Variants in DNAH12 observed in about 807,000 individuals in gnomAD.
The protein encoded by DNAH12 is axonemal beta dynein heavy chain 12.
A neutral mutation model predicts 371.5 loss-of-function variants in DNAH12; 285 were observed. The ratio of observed to expected loss-of-function variants is 0.77; its 90% CI spans 0.70 to 0.85. The LOEUF (loss-of-function observed/expected upper bound fraction) is 0.85. DNAH12 is among the 40% of genes least tolerant of loss of function. The pLI is 0.00. For synonymous variants in DNAH12, 1,200 were observed against 1,213.0 expected (o/e 0.99, Z 0.22); for missense variants, 3,611 against 3,689.4 (o/e 0.98, Z 0.55).
Position 57,302,555 on chromosome 3 carries a change from A to ATGGTT in DNAH12, c.11190-617_11190-616insAACCA, listed in dbSNP as rs1559535346. On this transcript the variant is annotated intron_variant, in intron 69 of 73. Transcript: ENST00000495027. ...TATATATATATATATATATATATAT[A>ATGGTT]TATATATATGTATTTTTTTTTTTTT... Among the ~76,000 whole-genome samples the ATGGTT allele has an allele frequency of 8.6e-5, 7 of 80,984 alleles. 1 individual carries two copies. The highest frequency in any genetic ancestry group is 3.1e-4 in the African/African-American group (7 of 22,550). 53.1% of individuals were successfully genotyped at this position (80,984 alleles called of 152,430 possible).
intron 35 of DNAH12, 91 bp downstream of exon 35, chr3:57,424,931 T>C (rs2064716291): frequency 1.7e-6 from 1 of 590,868 alleles, no homozygotes; most frequent in Non-Finnish European, 3.0e-6. Context: ...AAAATAGCTT[T>C]GGATCTTGTC....
Position 57,358,150 on chromosome 3 carries a change from A to C in DNAH12, c.9361-802T>G, listed in dbSNP as rs938004288. ...AATCCTGTTTGTTGCTAATTTAATCAAGAGGCAGGGCTAGAACCAGATCCA... is the reference window on the plus strand; with the variant it reads ...AATCCTGTTTGTTGCTAATTTAATCCAGAGGCAGGGCTAGAACCAGATCCA... On this transcript the variant is annotated intron_variant, in intron 58 of 73. Transcript: ENST00000495027. Among the ~76,000 whole-genome samples, 117 of 152,312 alleles carry C rather than the reference A, an allele frequency of 7.7e-4. 1 individual carries two copies. The East Asian group carries it at 0.021, about 28-fold the overall frequency.
In DNAH12 at chr3:57,428,822, C is replaced by A; in HGVS notation, c.5065-1G>T. The A allele has an allele frequency of 6.6e-7, 1 of 1,514,860 alleles. No homozygotes were observed. The highest frequency in any genetic ancestry group is 8.8e-7 in the Non-Finnish European group (1 of 1,134,132). The allele number at this position is 1,514,860 out of a possible 1,614,324, so 93.8% of individuals were successfully genotyped here. A position where few individuals can be genotyped will look rare whatever the true frequency, so the allele number is the denominator to read the frequency against. ...TACCACAACGACTTACAGTGGCAGG[C>A]TAGAGAAAAAAGGCAACTTTTTGCA... On this transcript the variant is annotated splice_acceptor_variant, in intron 33 of 73. Coordinates refer to ENST00000495027, the MANE Select transcript of DNAH12 (RefSeq NM_001366028.2). LOFTEE classifies it high-confidence loss of function.
chr3:57,414,466 T>C (rs1412775448), intron 38 of DNAH12, among the ~76,000 whole-genome samples: 1 of 152,294 alleles, frequency 6.6e-6, no homozygotes, highest in African/African-American at 2.4e-5. Context: ...GAGGGTTTGG[T>C]GTACAGATTA....
At chr3:57,414,636 A>G (rs907192989) in intron 38 of DNAH12, among the ~76,000 whole-genome samples, 1 of 152,212 alleles carries the variant, frequency 6.6e-6, no homozygotes, top group Non-Finnish European at 1.5e-5. Flanking sequence ...CTTACTTAAT[A>G]TTTAAATGCA....
At chr3:57,461,424 G>C in intron 19 of DNAH12, 65 bp downstream of exon 19, 1 of 1,444,030 alleles carries the variant, frequency 6.9e-7, no homozygotes, top group Non-Finnish European at 9.5e-7. Flanking sequence ...TACCATGAGA[G>C]CGTATATGTA....
chr3:57,509,569 C>T (rs760652382), intron 5 of DNAH12, among the ~76,000 whole-genome samples: 12 of 151,858 alleles, frequency 7.9e-5, no homozygotes, highest in Non-Finnish European at 1.8e-4. Flanking sequence ...CAAGAGATTA[C>T]GCGACATGGA....
At chr3:57,469,033 C>T in intron 16 of DNAH12, 54 bp from the exon 17 acceptor site, 4 of 1,462,358 alleles carry the variant, frequency 2.7e-6, no homozygotes, top group South Asian at 2.7e-5. Context: ...TTTGAAGGGG[C>T]CTTAGAGATC....
chr3:57,418,642 T>C (rs987737251), intron 37 of DNAH12, among the ~76,000 whole-genome samples: 5 of 151,888 alleles, frequency 3.3e-5, no homozygotes, highest in African/African-American at 1.2e-4. Context: ...GGACACAAAA[T>C]AGGGGTAAAC....
At chr3:57,363,503 C>CT (rs1701353844) in intron 58 of DNAH12, 91 bp downstream of exon 58, 2 of 151,966 alleles carry the variant, frequency 1.3e-5, no homozygotes, top group South Asian at 4.2e-4. Flanking sequence ...ACACCAACAC[C>CT]TTCCTTGGGG....
At chr3:57,361,438 C>CTATAT in intron 58 of DNAH12, among the ~76,000 whole-genome samples, 1 of 115,854 alleles carries the variant, frequency 8.6e-6, no homozygotes, top group East Asian at 3.4e-4. Flanking sequence ...TATATACACA[C>CTATAT]ACACACTATA....
In DNAH12 at chr3:57,323,639, T is replaced by C. The variant is rs542688489; in HGVS notation, c.9979-20A>G. On this transcript the variant is annotated intron_variant, in intron 62 of 73. Coordinates refer to ENST00000495027, the MANE Select transcript of DNAH12 (RefSeq NM_001366028.2). ...GGTTATCTGTTGAAGAGAAAAGATA[T>C]GATCTTTAGAGCAACTTTTATTTCA... 3.1e-5 allele frequency: 47 copies of C among 1,502,896 alleles called. No homozygotes were observed. The highest frequency in any genetic ancestry group is 3.0e-4 in the African/African-American group (21 of 70,488). The allele number at this position is 1,502,896 out of a possible 1,614,324, so 93.1% of individuals were successfully genotyped here.
At chr3:57,455,730 G>T (rs922864500) in intron 22 of DNAH12, among the ~76,000 whole-genome samples, 4 of 151,696 alleles carry the variant, frequency 2.6e-5, no homozygotes, top group South Asian at 2.1e-4. Flanking sequence ...ATATGACCAG[G>T]GTATACAATT....
rs1037151942 is a variant in DNAH12, at chr3:57,374,641, A to C, written c.8759+730T>G. 1.6e-4 allele frequency among the ~76,000 whole-genome samples: 25 copies of C among 152,294 alleles called. No individual in the cohort carries two copies. In the South Asian group the frequency reaches 2.3e-3, roughly 14 times the overall value. On this transcript the variant is annotated intron_variant, in intron 55 of 73. Transcript: ENST00000495027. ...GTACATTGTATAGCCAGAAACTAGA[A>C]ATAGCCCAGAGGTCCATCAGTAGGA...
At chr3:57,530,627 G>A (rs1373806634) in intron 2 of DNAH12, 1 of 534,676 alleles carries the variant, frequency 1.9e-6, no homozygotes, top group African/African-American at 1.9e-5. Flanking sequence ...ATGTATAGTG[G>A]GATTTTCACC....
intron 55 of DNAH12, among the ~76,000 whole-genome samples, chr3:57,374,489 G>A (rs1419086551): frequency 2.6e-5 from 4 of 151,984 alleles, no homozygotes; most frequent in African/African-American, 9.7e-5. Context: ...AACAATAAAG[G>A]CCATTTGAAA....
At chr3:57,387,732 T>C (rs1322971964) in intron 45 of DNAH12, among the ~76,000 whole-genome samples, 8 of 152,280 alleles carry the variant, frequency 5.3e-5, no homozygotes, top group East Asian at 1.9e-4. Context: ...GAGAGTTACA[T>C]AGAGCTGGGA....
At chr3:57,297,209 CAT>C (rs1421943420) in intron 70 of DNAH12, 2 of 531,310 alleles carry the variant, frequency 3.8e-6, no homozygotes, top group African/African-American at 1.9e-5. Flanking sequence ...GTGAATGAAA[CAT>C]AGTTTGAAGA....
chr3:57,312,092 C>A (rs1479241298), intron 66 of DNAH12, among the ~76,000 whole-genome samples: 1 of 152,070 alleles, frequency 6.6e-6, no homozygotes, highest in Non-Finnish European at 1.5e-5. Flanking sequence ...GGGTTGAGAG[C>A]TTTTCCTGCC....
Sources: gnomAD v4.1 joint callset for allele counts (sites outside exome capture counted in the v4.1 genomes callset) on GRCh38, gnomAD v4.1.1 for gene constraint, MANE v1.5 for transcripts, NCBI Gene and HGNC (gene_info 2026-07-23, HGNC 2026-07-21) for gene names.